Variants in MYO3B observed in about 807,000 individuals in gnomAD.
MYO3B encodes myosin IIIB.
A neutral mutation model predicts 174.6 loss-of-function variants in MYO3B; 156 were observed. The observed-to-expected ratio is 0.89, with a 90% confidence interval of 0.78 to 1.02. The LOEUF is 1.02. Ranked by LOEUF, MYO3B falls within the 50% of genes least tolerant of loss-of-function variation. The pLI, the probability that MYO3B is intolerant of heterozygous loss-of-function variation, is 0.00. For missense variants in MYO3B, 1,632 were observed against 1,639.4 expected (o/e 1.00, Z 0.08); for synonymous variants, 563 against 569.1 (o/e 0.99, Z 0.15).
chr2:170,637,518 T>TGCTA (rs1697620163), intron 32 of MYO3B, among the ~76,000 whole-genome samples: 1 of 152,144 alleles, frequency 6.6e-6, no homozygotes, highest in Non-Finnish European at 1.5e-5. Flanking sequence ...AAGCTGCTGA[T>TGCTA]GCTAATTTGT....
At chr2:170,233,382 G>C (rs2093034432) in intron 6 of MYO3B, among the ~76,000 whole-genome samples, 3 of 152,214 alleles carry the variant, frequency 2.0e-5, no homozygotes, top group Admixed American at 6.5e-5. Context: ...ATGAATAACA[G>C]TGAACTATTT....
chr2:170,558,256 G>A (rs376957273), intron 32 of MYO3B, among the ~76,000 whole-genome samples: 4 of 151,438 alleles, frequency 2.6e-5, no homozygotes, highest in East Asian at 1.9e-4. Flanking sequence ...AGCTGAGATC[G>A]TACCACTGTA....
intron 7 of MYO3B, among the ~76,000 whole-genome samples, chr2:170,238,304 A>G (rs1050836247): frequency 1.3e-5 from 2 of 151,984 alleles, no homozygotes; most frequent in African/African-American, 4.8e-5. Flanking sequence ...CAAATTATTT[A>G]CCTGTGTGTT....
chr2:170,509,285 A>G (rs1687816310), intron 28 of MYO3B, among the ~76,000 whole-genome samples: 1 of 152,176 alleles, frequency 6.6e-6, no homozygotes. Flanking sequence ...TGAACCCAGG[A>G]GGCATAGGTT....
At chr2:170,587,207 T>A (rs1010067648) in intron 32 of MYO3B, among the ~76,000 whole-genome samples, 2 of 152,272 alleles carry the variant, frequency 1.3e-5, no homozygotes, top group Non-Finnish European at 2.9e-5. Context: ...TATACTGTAC[T>A]TTTTATTATT....
chr2:170,328,423 AT>A (rs1205546276), intron 7 of MYO3B, among the ~76,000 whole-genome samples: 1 of 152,052 alleles, frequency 6.6e-6, no homozygotes, highest in Non-Finnish European at 1.5e-5. Context: ...CTGTGGGACC[AT>A]TTGCTGATTG....
At chr2:170,431,787 TCTTA>T (rs1411333157) in intron 22 of MYO3B, among the ~76,000 whole-genome samples, 6 of 152,232 alleles carry the variant, frequency 3.9e-5, no homozygotes, top group Non-Finnish European at 7.3e-5. Flanking sequence ...TAGTCTGGTC[TCTTA>T]CTTACTCTTG....
At chr2:170,317,769 A>T (rs918512543) in intron 7 of MYO3B, among the ~76,000 whole-genome samples, 2 of 152,200 alleles carry the variant, frequency 1.3e-5, no homozygotes, top group Admixed American at 1.3e-4. Flanking sequence ...ATTTATTCTT[A>T]AAAAGGAGGT....
intron 32 of MYO3B, among the ~76,000 whole-genome samples, chr2:170,626,617 TA>T (rs1297703891): frequency 6.6e-6 from 1 of 152,206 alleles, no homozygotes; most frequent in Non-Finnish European, 1.5e-5. Context: ...TTTTGCTCAT[TA>T]GTTGATGCAG....
At chr2:170,227,612 C>CT (rs1259771535) in intron 6 of MYO3B, among the ~76,000 whole-genome samples, 5 of 152,068 alleles carry the variant, frequency 3.3e-5, no homozygotes, top group African/African-American at 1.2e-4. Flanking sequence ...TTTTAGAGAG[C>CT]TAAACAGAAT....
At chr2:170,630,051 C>T (rs1197954251) in intron 32 of MYO3B, among the ~76,000 whole-genome samples, 1 of 152,182 alleles carries the variant, frequency 6.6e-6, no homozygotes, top group Non-Finnish European at 1.5e-5. Context: ...CTCATTGAGA[C>T]TGGTCAGAAA....
At chr2:170,194,664 C>G (rs1453862121) in intron 1 of MYO3B, among the ~76,000 whole-genome samples, 1 of 151,970 alleles carries the variant, frequency 6.6e-6, no homozygotes, top group African/African-American at 2.4e-5. Context: ...TCAGGGTTCT[C>G]TAGAGGGACA....
chr2:170,639,409 T>C (rs182041563), intron 32 of MYO3B, among the ~76,000 whole-genome samples: 11 of 152,330 alleles, frequency 7.2e-5, no homozygotes, highest in African/African-American at 2.6e-4. Context: ...GCTCCCGTGC[T>C]GGATCAAGGT....
chr2:170,649,990 G>T (rs1575347213), intron 32 of MYO3B: 2 of 144,528 alleles, frequency 1.4e-5, no homozygotes. Context: ...AAAAAAAAAT[G>T]GGTATTTAGA....
At chr2:170,569,466 C>T (rs913336876) in intron 32 of MYO3B, among the ~76,000 whole-genome samples, 1 of 151,178 alleles carries the variant, frequency 6.6e-6, no homozygotes, top group Non-Finnish European at 1.5e-5. Flanking sequence ...AGAGCCATTT[C>T]CTTCCTGGAA....
chr2:170,301,585 G>A (rs1332350691), intron 7 of MYO3B, among the ~76,000 whole-genome samples: 5 of 152,152 alleles, frequency 3.3e-5, no homozygotes. Flanking sequence ...AATCCTTTAA[G>A]GAGAATGCCC....
intron 7 of MYO3B, among the ~76,000 whole-genome samples, chr2:170,310,964 T>G (rs2093735271): frequency 6.6e-6 from 1 of 152,112 alleles, no homozygotes; most frequent in Admixed American, 6.5e-5. Flanking sequence ...GGTTAAATTT[T>G]AAAAGAGCCC....
chr2:170,555,095 G>A (rs556089672), intron 32 of MYO3B, among the ~76,000 whole-genome samples: 35 of 151,748 alleles, frequency 2.3e-4, no homozygotes, highest in African/African-American at 5.6e-4. Context: ...ATTTGTTTGC[G>A]TTTTAAAAAG....
intron 7 of MYO3B, among the ~76,000 whole-genome samples, chr2:170,296,466 A>G (rs2093629537): frequency 6.6e-6 from 1 of 152,210 alleles, no homozygotes; most frequent in Non-Finnish European, 1.5e-5. Context: ...AGACGTCTCC[A>G]TGTCAATTCA....
Sources: gnomAD v4.1 joint callset for allele counts (sites outside exome capture counted in the v4.1 genomes callset) on GRCh38, gnomAD v4.1.1 for gene constraint, MANE v1.5 for transcripts, NCBI Gene and HGNC (gene_info 2026-07-23, HGNC 2026-07-21) for gene names.